GMDS: variants seen among roughly 807,000 people sequenced by gnomAD.
The protein encoded by GMDS is GDP-mannose 4,6-dehydratase.
In GMDS, 20 loss-of-function variants were observed where a neutral mutation model predicts 49.9. The ratio of observed to expected loss-of-function variants is 0.40; its 90% CI spans 0.28 to 0.58. The LOEUF is 0.58. GMDS is among the 20% of genes least tolerant of loss of function. GMDS has a pLI of 0.42. For missense variants in GMDS, 362 were observed against 481.4 expected (o/e 0.75, Z 2.32); for synonymous variants, 177 against 178.6 (o/e 0.99, Z 0.07).
intron 9 of GMDS, among the ~76,000 whole-genome samples, chr6:1,652,383 ATATATATATT>A (rs1561700428): frequency 3.3e-3 from 29 of 8,816 alleles, no homozygotes; most frequent in African/African-American, 6.5e-3. Context: ...AAAAAAAAAT[ATATATATATT>A]ATATATATAT....
chr6:1,701,964 T>C (rs1277841537), intron 9 of GMDS, among the ~76,000 whole-genome samples: 2 of 152,210 alleles, frequency 1.3e-5, no homozygotes, highest in East Asian at 3.8e-4. Context: ...CAGGCAGACA[T>C]GATGTTATAA....
chr6:2,072,918 G>T (rs1772099631), intron 4 of GMDS, among the ~76,000 whole-genome samples: 1 of 152,194 alleles, frequency 6.6e-6, no homozygotes, highest in South Asian at 2.1e-4. Context: ...AATAAGCTGA[G>T]TGTGTGACCT....
chr6:1,676,269 A>G (rs1221667263), intron 9 of GMDS, among the ~76,000 whole-genome samples: 1 of 152,254 alleles, frequency 6.6e-6, no homozygotes, highest in East Asian at 1.9e-4. Flanking sequence ...ACCACTGCTC[A>G]GCAAAATAAA....
At chr6:1,902,682 T>C (rs1760556330) in intron 7 of GMDS, among the ~76,000 whole-genome samples, 1 of 152,200 alleles carries the variant, frequency 6.6e-6, no homozygotes, top group African/African-American at 2.4e-5. Flanking sequence ...ACTCACAATG[T>C]CACTATTAAA....
intron 9 of GMDS, among the ~76,000 whole-genome samples, chr6:1,693,260 G>A (rs1765234567): frequency 6.6e-6 from 1 of 152,176 alleles, no homozygotes; most frequent in Non-Finnish European, 1.5e-5. Flanking sequence ...CCAGCCTTAG[G>A]TAGTTTCCTC....
At chr6:1,851,668 G>A (rs951152100) in intron 7 of GMDS, among the ~76,000 whole-genome samples, 2 of 151,974 alleles carry the variant, frequency 1.3e-5, no homozygotes, top group Non-Finnish European at 2.9e-5. Flanking sequence ...CCAGTATTGG[G>A]GAGCTTTCCC....
At chr6:2,238,039 C>T (rs1002943325) in intron 1 of GMDS, among the ~76,000 whole-genome samples, 8 of 151,992 alleles carry the variant, frequency 5.3e-5, no homozygotes, top group African/African-American at 1.7e-4. Context: ...AGCATGGCCA[C>T]CTTTAGGACT....
intron 4 of GMDS, among the ~76,000 whole-genome samples, chr6:2,105,199 A>C (rs1774172425): frequency 6.6e-6 from 1 of 151,438 alleles, no homozygotes; most frequent in African/African-American, 2.4e-5. Flanking sequence ...AAAAAAAAAA[A>C]AAAAAGAAAT....
At chr6:1,853,555 A>G (rs1199403103) in intron 7 of GMDS, among the ~76,000 whole-genome samples, 2 of 147,318 alleles carry the variant, frequency 1.4e-5, no homozygotes, top group East Asian at 4.0e-4. Flanking sequence ...ATACAAGGAG[A>G]TAACTCATAT....
intron 9 of GMDS, among the ~76,000 whole-genome samples, chr6:1,721,957 CA>C (rs1766398561): frequency 1.3e-5 from 2 of 151,322 alleles, no homozygotes; most frequent in African/African-American, 2.4e-5. Context: ...CTAGAAGCTT[CA>C]AGTATGTTTC....
intron 1 of GMDS, among the ~76,000 whole-genome samples, chr6:2,174,844 T>C (rs234924): frequency 0.041 from 6,184 of 152,134 alleles, 253 homozygotes; most frequent in South Asian, 0.13. Flanking sequence ...GCTAGCATTA[T>C]AGGCATGATC....
At chr6:1,680,717 T>C (rs1313498673) in intron 9 of GMDS, among the ~76,000 whole-genome samples, 1 of 152,238 alleles carries the variant, frequency 6.6e-6, no homozygotes, top group East Asian at 1.9e-4. Flanking sequence ...AGCCACATAA[T>C]GGTTTGCCTG....
At chr6:1,878,423 TAGG>T (rs1759203675) in intron 7 of GMDS, among the ~76,000 whole-genome samples, 1 of 151,436 alleles carries the variant, frequency 6.6e-6, no homozygotes, top group Non-Finnish European at 1.5e-5. Context: ...CAAAAGATTC[TAGG>T]AGATGTTAGC....
At chr6:1,701,905 C>T (rs1010602729) in intron 9 of GMDS, among the ~76,000 whole-genome samples, 12 of 152,192 alleles carry the variant, frequency 7.9e-5, no homozygotes, top group Non-Finnish European at 1.8e-4. Context: ...AGAAGTAGTT[C>T]TTCCAAAGTA....
intron 4 of GMDS, among the ~76,000 whole-genome samples, chr6:2,040,563 T>A (rs1314190697): frequency 6.6e-6 from 1 of 152,194 alleles, no homozygotes; most frequent in Admixed American, 6.5e-5. Flanking sequence ...AGCAGCAATG[T>A]ACATTAATTT....
chr6:1,786,444 A>G (rs1349952842), intron 7 of GMDS, among the ~76,000 whole-genome samples: 1 of 152,052 alleles, frequency 6.6e-6, no homozygotes, highest in East Asian at 1.9e-4. Flanking sequence ...TAGGATGCAA[A>G]GACTTAAGAC....
chr6:1,648,750 GT>G (rs1348688107), intron 9 of GMDS, among the ~76,000 whole-genome samples: 1 of 152,182 alleles, frequency 6.6e-6, no homozygotes, highest in African/African-American at 2.4e-5. Context: ...GAATGCCACA[GT>G]TTTTTGTAAA....
At chr6:1,821,611 G>GTTTGTTTTTTTTTTTT (rs1770899536) in intron 7 of GMDS, among the ~76,000 whole-genome samples, 2 of 109,854 alleles carry the variant, frequency 1.8e-5, no homozygotes, top group African/African-American at 6.8e-5. Flanking sequence ...CAATTTATTT[G>GTTTGTTTTTTTTTTTT]TTTTTTTTTT....
chr6:1,975,488 G>A (rs1764847641), intron 4 of GMDS, among the ~76,000 whole-genome samples: 1 of 152,130 alleles, frequency 6.6e-6, no homozygotes, highest in African/African-American at 2.4e-5. Flanking sequence ...ACTAAAAGTA[G>A]GAGTAAAACA....
Sources: allele counts gnomAD v4.1 joint callset (sites outside exome capture counted in the v4.1 genomes callset), GRCh38; gene constraint gnomAD v4.1.1; transcripts MANE v1.5; gene names NCBI Gene and HGNC (gene_info 2026-07-23, HGNC 2026-07-21).